The following SLC35F3 variants were observed in gnomAD, a reference collection of about 807,000 sequenced individuals.
The protein encoded by SLC35F3 is solute carrier family 35 member F3, also known as putative thiamine transporter SLC35F3.
SLC35F3 carries 25 observed loss-of-function variants against 49.9 expected under a neutral mutation model. The observed-to-expected ratio is 0.50, with a 90% confidence interval of 0.37 to 0.70. The LOEUF (loss-of-function observed/expected upper bound fraction) is 0.70. Ranked by LOEUF, SLC35F3 falls within the 30% of genes least tolerant of loss-of-function variation. SLC35F3 has a pLI of 0.00. For synonymous variants in SLC35F3, 275 were observed against 265.4 expected, an observed-to-expected ratio of 1.04 and a Z score of -0.35; for missense variants, 525 against 639.8, an observed-to-expected ratio of 0.82 and a Z score of 1.94.
rs888157402 is a variant in SLC35F3, at chr1:233,904,705, C to T, written c.-373C>T. Among the ~76,000 whole-genome samples, 11 of 151,838 alleles carry T rather than the reference C, an allele frequency of 7.2e-5. No homozygotes were observed. The highest frequency in any genetic ancestry group is 3.2e-3 in the Middle Eastern group (1 of 314). On this transcript the variant is annotated 5_prime_UTR_variant, in exon 1 of 8. Coordinates refer to ENST00000366618, the MANE Select transcript of SLC35F3 (RefSeq NM_173508.4). Reference sequence around the variant, plus strand: ...CGACGCCTCCCCGCCCGACCAGGTGCCTCGAGAGCGCACAGCTGGGAGGGC... The same window carrying T: ...CGACGCCTCCCCGCCCGACCAGGTGTCTCGAGAGCGCACAGCTGGGAGGGC...
chr1:234,116,538 G>A lies in SLC35F3; in HGVS notation c.284-114879G>A, dbSNP rs190863060. Among the ~76,000 whole-genome samples, 88 of 139,210 alleles carry A rather than the reference G, an allele frequency of 6.3e-4. 1 individual carries two copies. In the East Asian group the frequency reaches 0.016, roughly 25 times the overall value. The allele number at this position is 139,210 out of a possible 152,430, so 91.3% of individuals were successfully genotyped here. ...ATTTATTTATTTATTTTGAGACAGCGTTTTGCTCTGTTGCCCAGGCTGGAG... is the reference window on the plus strand; with the variant it reads ...ATTTATTTATTTATTTTGAGACAGCATTTTGCTCTGTTGCCCAGGCTGGAG... On this transcript the variant is annotated intron_variant, in intron 2 of 7. Transcript: ENST00000366618.
At chr1:234,024,711 C>T (rs568992419) in intron 2 of SLC35F3, among the ~76,000 whole-genome samples, 1 of 152,312 alleles carries the variant, frequency 6.6e-6, no homozygotes, top group South Asian at 2.1e-4. Context: ...ATCCATTAAT[C>T]CATCAGTGGA....
At chr1:233,910,564 A>G (rs756123383) in intron 2 of SLC35F3, among the ~76,000 whole-genome samples, 1 of 152,244 alleles carries the variant, frequency 6.6e-6, no homozygotes, top group Non-Finnish European at 1.5e-5. Context: ...AATACAGGTC[A>G]ACACAAACCT....
intron 2 of SLC35F3, among the ~76,000 whole-genome samples, chr1:234,118,937 G>C (rs1280788605): frequency 6.7e-6 from 1 of 149,666 alleles, no homozygotes; most frequent in Non-Finnish European, 1.5e-5. Context: ...CTTAGAGTAA[G>C]GTACTAAAAA....
At chr1:233,949,829 G>A (rs551969864) in intron 2 of SLC35F3, among the ~76,000 whole-genome samples, 3 of 152,272 alleles carry the variant, frequency 2.0e-5, no homozygotes, top group African/African-American at 7.2e-5. Context: ...TGCTCTTGGT[G>A]GGGCAGCCCC....
chr1:234,261,957 C>A (rs1014846831), intron 3 of SLC35F3: 2 of 152,252 alleles, frequency 1.3e-5, no homozygotes, highest in East Asian at 3.8e-4. Context: ...AAATCCTTCA[C>A]CTTTCTATCT....
At chr1:233,936,534 T>C (rs1233550930) in intron 2 of SLC35F3, among the ~76,000 whole-genome samples, 3 of 145,032 alleles carry the variant, frequency 2.1e-5, no homozygotes, top group Non-Finnish European at 3.1e-5. Flanking sequence ...TCCTCCTCCT[T>C]CTTCCTCCTC....
chr1:234,214,757 T>G lies in SLC35F3; in HGVS notation c.284-16660T>G. On this transcript the variant is annotated intron_variant, in intron 2 of 7. Transcript: ENST00000366618. This position sits in a 1 kb window ranked among gnomAD's most constrained non-coding sequence, Gnocchi z 8.0. ...GATCTGGCAGCTTCAGGGGCTGCCC[T>G]GAGCTCCCTGGCGAGCAGGAGTGAG... 1.3e-6 allele frequency: 1 copy of G among 772,342 alleles called. No homozygotes were observed. Among genetic ancestry groups the G allele is most frequent in the South Asian group, 2.6e-5 (1 of 38,944 alleles). 47.8% of individuals were successfully genotyped at this position (772,342 alleles called of 1,614,324 possible). A position where few individuals can be genotyped will look rare whatever the true frequency, so the allele number is the denominator to read the frequency against.
intron 3 of SLC35F3, among the ~76,000 whole-genome samples, chr1:234,289,541 G>A (rs6698302): frequency 0.24 from 36,890 of 151,996 alleles, 4,689 homozygotes; most frequent in Middle Eastern, 0.26. Context: ...TCAGACCAGC[G>A]TTATGGCACA....
At chr1:233,966,213 C>G (rs142533019) in intron 2 of SLC35F3, among the ~76,000 whole-genome samples, 1 of 152,134 alleles carries the variant, frequency 6.6e-6, no homozygotes, top group Non-Finnish European at 1.5e-5. Context: ...GAAGAAAAGA[C>G]TAGTGGTAAA....
intron 3 of SLC35F3, among the ~76,000 whole-genome samples, chr1:234,287,368 A>G (rs970022477): frequency 6.6e-6 from 1 of 152,202 alleles, no homozygotes; most frequent in Admixed American, 6.5e-5. Context: ...TACACAAGTC[A>G]CATAACAAAT....
intron 2 of SLC35F3, among the ~76,000 whole-genome samples, chr1:234,056,079 C>A (rs1572034857): frequency 6.6e-6 from 1 of 152,022 alleles, no homozygotes; most frequent in East Asian, 1.9e-4. Flanking sequence ...TAGCCAGAAT[C>A]TCCTGAATTG....
intron 2 of SLC35F3, among the ~76,000 whole-genome samples, chr1:234,095,470 A>T (rs1239613874): frequency 6.6e-6 from 1 of 152,240 alleles, no homozygotes; most frequent in Non-Finnish European, 1.5e-5. Context: ...AGAGGGATGG[A>T]TTCGAAGTCA....
chr1:234,092,654 G>C (rs539976435), intron 2 of SLC35F3, among the ~76,000 whole-genome samples: 22 of 152,282 alleles, frequency 1.4e-4, no homozygotes, highest in African/African-American at 5.3e-4. Context: ...GATCACTTGA[G>C]CCCGGGAATT....
chr1:233,964,613 C>A (rs12116577), intron 2 of SLC35F3, among the ~76,000 whole-genome samples: 1 of 152,102 alleles, frequency 6.6e-6, no homozygotes, highest in Non-Finnish European at 1.5e-5. Flanking sequence ...CGAAGGCATG[C>A]GAGGAGCCAA....
rs1662848910 is a variant in SLC35F3 at position 233,963,805 on chromosome 1, TAAG to T, written c.283+58048_283+58050del. Among the ~76,000 whole-genome samples the T allele has an allele frequency of 7.2e-5, 11 of 152,294 alleles. No individual in the cohort carries two copies. In the South Asian group the frequency reaches 2.3e-3, roughly 32 times the overall value. On this transcript the variant is annotated intron_variant, in intron 2 of 7. Transcript: ENST00000366618. The stretch of plus-strand genomic sequence containing the variant: ...GTCAGAGCATCTCATTGCACAGCCA[TAAG>T]GAGGTCATTCACTATCACACAATTA...
intron 2 of SLC35F3, among the ~76,000 whole-genome samples, chr1:234,163,210 G>T (rs1666256949): frequency 6.6e-6 from 1 of 152,156 alleles, no homozygotes; most frequent in South Asian, 2.1e-4. Flanking sequence ...GCAGTATTTG[G>T]TATTTCCGCA....
At chr1:234,023,046 C>T (rs960449326) in intron 2 of SLC35F3, among the ~76,000 whole-genome samples, 1 of 151,948 alleles carries the variant, frequency 6.6e-6, no homozygotes, top group African/African-American at 2.4e-5. Flanking sequence ...AAGAAGTTTC[C>T]CCAGAAAAAG....
At chr1:234,052,307 A>G (rs1008821150) in intron 2 of SLC35F3, among the ~76,000 whole-genome samples, 2 of 152,178 alleles carry the variant, frequency 1.3e-5, no homozygotes, top group African/African-American at 4.8e-5. Context: ...TATTGCCTCA[A>G]TTTCAGAGCC....
Sources: gnomAD v4.1 joint callset for allele counts (sites outside exome capture counted in the v4.1 genomes callset) on GRCh38, gnomAD v4.1.1 for gene constraint, Gnocchi (gnomAD v3.1) non-coding constraint, MANE v1.5 for transcripts, NCBI Gene and HGNC (gene_info 2026-07-23, HGNC 2026-07-21) for gene names.